DOP1B: variants seen among roughly 807,000 people sequenced by gnomAD.
The protein encoded by DOP1B is protein DOP1B.
In DOP1B, 174 loss-of-function variants were observed where a neutral mutation model predicts 233.5. The ratio of observed to expected loss-of-function variants is 0.75; its 90% CI spans 0.66 to 0.85. DOP1B has a LOEUF of 0.85. Among genes scored for constraint, DOP1B ranks in the 40% least tolerant of loss-of-function variants. The pLI is 0.00. For missense variants in DOP1B, 2,652 were observed against 2,846.6 expected, an observed-to-expected ratio of 0.93 and a Z score of 1.56; for synonymous variants, 1,190 against 1,185.6, an observed-to-expected ratio of 1.00 and a Z score of -0.08.
At chr21:36,161,358 C>T (rs1360806686) in intron 1 of DOP1B, among the ~76,000 whole-genome samples, 2 of 152,070 alleles carry the variant, frequency 1.3e-5, no homozygotes, top group Admixed American at 6.5e-5. Flanking sequence ...AGGCTGGTCT[C>T]GAACTCCTGA....
At chr21:36,280,830 C>T (rs1444855327) in intron 31 of DOP1B, among the ~76,000 whole-genome samples, 2 of 151,724 alleles carry the variant, frequency 1.3e-5, no homozygotes, top group Non-Finnish European at 2.9e-5. Flanking sequence ...GGTGAAACCC[C>T]GTCTCTACTA....
chr21:36,158,235 A>G (rs2242808), intron 1 of DOP1B, among the ~76,000 whole-genome samples: 60,223 of 152,104 alleles, frequency 0.4, 12,495 homozygotes, highest in Admixed American at 0.47. Context: ...TATAGCCTGT[A>G]TAACTGTCGG....
chr21:36,278,382 G>A lies in DOP1B; in HGVS notation c.5969+27G>A, dbSNP rs200616331. Reference sequence around the variant, plus strand: ...TAAGATATGCTGTCCTGATAACAACGTGCTCTGAATCTTCAGGTGGAAATG... The same window carrying A: ...TAAGATATGCTGTCCTGATAACAACATGCTCTGAATCTTCAGGTGGAAATG... On this transcript the variant is annotated intron_variant, in intron 30 of 36. Coordinates refer to ENST00000691173, the MANE Select transcript of DOP1B (RefSeq NM_001320714.2). 67 of 1,587,096 alleles carry A rather than the reference G, an allele frequency of 4.2e-5. No individual in the cohort carries two copies. The African/African-American group carries it at 7.3e-4, about 17-fold the overall frequency.
chr21:36,217,596 T>G (rs1224862713), intron 9 of DOP1B, among the ~76,000 whole-genome samples: 1 of 152,234 alleles, frequency 6.6e-6, no homozygotes, highest in Non-Finnish European at 1.5e-5. Context: ...CCAAGAGTTG[T>G]GCAGCTCTCG....
intron 2 of DOP1B, among the ~76,000 whole-genome samples, chr21:36,189,666 C>T (rs193005492): frequency 2.3e-3 from 356 of 151,840 alleles, no homozygotes; most frequent in African/African-American, 8.2e-3. Flanking sequence ...GCTGAGATCA[C>T]ACCACTACAC....
At chr21:36,179,480 GT>G (rs2066070463) in intron 2 of DOP1B, among the ~76,000 whole-genome samples, 1 of 152,136 alleles carries the variant, frequency 6.6e-6, no homozygotes, top group South Asian at 2.1e-4. Context: ...TTGTAACTTT[GT>G]TTTAATTCCA....
chr21:36,163,168 A>C (rs1371536543), intron 1 of DOP1B, among the ~76,000 whole-genome samples: 2 of 151,772 alleles, frequency 1.3e-5, no homozygotes, highest in African/African-American at 4.8e-5. Flanking sequence ...AACACGTGAA[A>C]CCCCGTCTCT....
chr21:36,161,483 C>T (rs1012742996), intron 1 of DOP1B, among the ~76,000 whole-genome samples: 48 of 152,022 alleles, frequency 3.2e-4, no homozygotes, highest in African/African-American at 1.2e-3. Flanking sequence ...ATTTGCAGCT[C>T]ATAAAATTCA....
At chr21:36,190,121 C>T (rs1032652382) in intron 2 of DOP1B, among the ~76,000 whole-genome samples, 4 of 151,782 alleles carry the variant, frequency 2.6e-5, no homozygotes, top group Admixed American at 2.6e-4. Context: ...AATTCGAGAC[C>T]AGCCTGGCCA....
chr21:36,215,759 G>A (rs1428158617), intron 9 of DOP1B, among the ~76,000 whole-genome samples: 7 of 146,370 alleles, frequency 4.8e-5, no homozygotes, highest in South Asian at 2.3e-4. Context: ...TCACACCTGT[G>A]ATCCCAGCAC....
At chr21:36,248,317 C>G (rs1204777509) in intron 20 of DOP1B, 63 bp from the exon 21 acceptor site, 22 of 1,567,498 alleles carry the variant, frequency 1.4e-5, no homozygotes, top group Non-Finnish European at 1.6e-5. Flanking sequence ...CACTGCTGCC[C>G]TCGTGGGAAG....
intron 1 of DOP1B, among the ~76,000 whole-genome samples, chr21:36,158,735 G>A (rs1304116190): frequency 6.8e-6 from 1 of 146,922 alleles, no homozygotes; most frequent in African/African-American, 2.5e-5. Flanking sequence ...TCTAGGAGGC[G>A]CAGGTTGCAG....
intron 24 of DOP1B, chr21:36,261,408 C>CGTTCTCA: frequency 1.0e-6 from 1 of 986,876 alleles, no homozygotes; most frequent in Non-Finnish European, 1.2e-6. Flanking sequence ...TTTCTGGTGG[C>CGTTCTCA]GTTCTCAGTG....
At chr21:36,288,933 C>T (rs1195283770) in intron 34 of DOP1B, 112 bp from the exon 35 acceptor site, 25 of 1,468,212 alleles carry the variant, frequency 1.7e-5, no homozygotes, top group Non-Finnish European at 1.9e-6. Flanking sequence ...AAAGGACCAG[C>T]TATTCCAAAA....
chr21:36,185,527 G>A (rs1164828295), intron 2 of DOP1B, among the ~76,000 whole-genome samples: 1 of 152,172 alleles, frequency 6.6e-6, no homozygotes, highest in Non-Finnish European at 1.5e-5. Context: ...TACTGATGAA[G>A]AAACTGGAGT....
chr21:36,213,629 A>G (rs920757117), intron 7 of DOP1B, among the ~76,000 whole-genome samples: 21 of 151,644 alleles, frequency 1.4e-4, no homozygotes, highest in African/African-American at 4.8e-4. Context: ...CTTCTCTACT[A>G]AAAAATACAA....
Position 36,172,111 on chromosome 21 carries a change from T to C in DOP1B, c.138+7240T>C, listed in dbSNP as rs528377595. ...GGGGCATGGGCCTGTGTCCAAGGCA[T>C]GGGAAGGGGACAGGAGTAGCCAGAG... On this transcript the variant is annotated intron_variant, in intron 2 of 36. Transcript: ENST00000691173. 3.2e-3 allele frequency among the ~76,000 whole-genome samples: 482 copies of C among 152,048 alleles called. 2 individuals are homozygous for C. The highest frequency in any genetic ancestry group is 0.011 in the African/African-American group (470 of 41,478).
In DOP1B at chr21:36,253,906, T is replaced by C; in HGVS notation, c.5256T>C (p.Asp1752=). 1 of 1,613,624 alleles carries C rather than the reference T, an allele frequency of 6.2e-7. No individual in the cohort carries two copies. The highest frequency in any genetic ancestry group is 8.5e-7 in the Non-Finnish European group (1 of 1,179,854). Residue 1752 remains aspartate, a synonymous_variant, in exon 23 of 37, where the codon GAT becomes GAC. Coordinates refer to ENST00000691173, the MANE Select transcript of DOP1B (RefSeq NM_001320714.2). The stretch of plus-strand genomic sequence containing the variant: ...GGCCACCCCAAGTCAAAGGGGGTGA[T>C]GAGGTGAGGAGCCTGGGGAAGCCTC... The part of the protein sequence containing the change: ...VKRPPQVKGG[D]EKSPLVDIPV...
intron 13 of DOP1B, among the ~76,000 whole-genome samples, chr21:36,230,102 C>G (rs550474472): frequency 6.6e-6 from 1 of 152,278 alleles, no homozygotes; most frequent in East Asian, 1.9e-4. Context: ...TCCCTAAGTG[C>G]TGGGATTACA....
Sources: gnomAD v4.1 joint callset for allele counts (sites outside exome capture counted in the v4.1 genomes callset) on GRCh38, gnomAD v4.1.1 for gene constraint, MANE v1.5 for transcripts, NCBI Gene and HGNC (gene_info 2026-07-23, HGNC 2026-07-21) for gene names.